The following SPAG9 variants were observed in gnomAD, a reference collection of about 807,000 sequenced individuals.
SPAG9 encodes C-Jun-amino-terminal kinase-interacting protein 4.
In SPAG9, 35 loss-of-function variants were observed where a neutral mutation model predicts 166.5. The observed-to-expected ratio is 0.21, with a 90% CI of 0.16 to 0.28. The LOEUF is 0.28. Ranked by LOEUF, SPAG9 falls within the 10% of genes least tolerant of loss-of-function variation. The probability of loss-of-function intolerance (pLI) is 1.00; values close to 1 mark genes in which losing one functional copy is unlikely to be tolerated. For missense variants in SPAG9, 1,235 were observed against 1,603.3 expected (o/e 0.77, Z 3.92); for synonymous variants, 534 against 565.5 (o/e 0.94, Z 0.79).
intron 27 of SPAG9, among the ~76,000 whole-genome samples, chr17:50,976,258 CT>C (rs1974201096): frequency 6.6e-6 from 1 of 151,962 alleles, no homozygotes; most frequent in Non-Finnish European, 1.5e-5. Context: ...AAAACAAATC[CT>C]GTTCCAATAA....
In SPAG9 at chr17:50,990,560, T is replaced by G. The variant is rs1975458275; in HGVS notation, c.2507A>C (p.Asp836Ala). ...SMTSNSSAET[D>A]SLLGGITVVG... ...CACTGTGATGCCTCCTAACAGGCTGTCTGTCTCTGCTGAGCTGTTGCTTGT... is the reference window on the plus strand; with the variant it reads ...CACTGTGATGCCTCCTAACAGGCTGGCTGTCTCTGCTGAGCTGTTGCTTGT... Residue 836 changes from aspartate to alanine, a missense_variant, in exon 20 of 30, where the codon GAC becomes GCC. Asp to Ala is a moderately radical substitution (Grantham distance 126). Coordinates refer to ENST00000262013, the MANE Select transcript of SPAG9 (RefSeq NM_001130528.3). 1.9e-6 allele frequency: 3 copies of G among 1,614,088 alleles called. No homozygotes were observed. Among genetic ancestry groups the G allele is most frequent in the East Asian group, 2.2e-5 (1 of 44,900 alleles).
At chr17:51,008,918 A>G (rs1020988406) in intron 9 of SPAG9, among the ~76,000 whole-genome samples, 5 of 152,176 alleles carry the variant, frequency 3.3e-5, no homozygotes, top group Admixed American at 6.6e-5. Flanking sequence ...GACAGAAGAA[A>G]TAAGAATGTA....
Position 50,966,309 on chromosome 17 carries a change from T to C in SPAG9, c.3929A>G (p.His1310Arg). The C allele has an allele frequency of 1.9e-6, 3 of 1,613,944 alleles. No homozygotes were observed. The highest frequency in any genetic ancestry group is 2.5e-6 in the Non-Finnish European group (3 of 1,179,820). Residue 1310 changes from histidine (H) to arginine (R), a missense_variant, in exon 30 of 30, where the codon CAC (histidine) becomes CGC (arginine). Physicochemically the swap from His to Arg is conservative, Grantham distance 29. Coordinates refer to ENST00000262013, the MANE Select transcript of SPAG9 (RefSeq NM_001130528.3). ...EPSVTKAERS[H>R]LIVWQVMYGN... The stretch of plus-strand genomic sequence containing the variant: ...ATACATCACTTGCCACACTATCAAG[T>C]GACTCCTTTCTGCTTTGGTGACAGA...
intron 1 of SPAG9, among the ~76,000 whole-genome samples, chr17:51,096,688 C>T (rs890928279): frequency 2.0e-5 from 3 of 151,640 alleles, no homozygotes; most frequent in Admixed American, 6.6e-5. Flanking sequence ...TTCATGTCAT[C>T]GATGGAATAC....
intron 6 of SPAG9, chr17:51,030,904 T>C (rs894012740): frequency 6.8e-6 from 1 of 147,690 alleles, no homozygotes; most frequent in African/African-American, 2.5e-5. Flanking sequence ...AAGCCTGACA[T>C]GTAGCAGGCT....
intron 2 of SPAG9, among the ~76,000 whole-genome samples, chr17:51,075,405 A>G (rs2047943096): frequency 6.6e-6 from 1 of 152,070 alleles, no homozygotes; most frequent in Non-Finnish European, 1.5e-5. Context: ...TGAGTGTGAG[A>G]CATTTTAAAG....
At chr17:51,027,243 C>T (rs1329203996) in intron 6 of SPAG9, among the ~76,000 whole-genome samples, 1 of 151,926 alleles carries the variant, frequency 6.6e-6, no homozygotes, top group Non-Finnish European at 1.5e-5. Context: ...ACCAGCCTGG[C>T]CAACATGGTG....
rs1426675943 is a variant in SPAG9, at chr17:51,089,661, T to TATATATAC, written c.304-9958_304-9957insGTATATAT. Among the ~76,000 whole-genome samples the TATATATAC allele has an allele frequency of 4.0e-4, 39 of 97,864 alleles. No individual in the cohort carries two copies. In the East Asian group the frequency reaches 6.7e-3, roughly 17 times the overall value. 64.2% of individuals were successfully genotyped at this position (97,864 alleles called of 152,430 possible). Reference sequence around the variant, plus strand: ...ATATATATATATATATATATATATATATACACATACACACACACACTTTCT... The same window carrying TATATATAC: ...ATATATATATATATATATATATATATATATATACATACACATACACACACACACTTTCT... On this transcript the variant is annotated intron_variant, in intron 1 of 29. Transcript: ENST00000262013.
chr17:51,001,204 T>G (rs1234600798), intron 13 of SPAG9, among the ~76,000 whole-genome samples: 7 of 152,158 alleles, frequency 4.6e-5, no homozygotes, highest in Non-Finnish European at 1.0e-4. Context: ...TCTTTCTAAA[T>G]TAAAGAAACA....
At chr17:51,099,758 CTAAAAAAAAA>C (rs979716714) in intron 1 of SPAG9, among the ~76,000 whole-genome samples, 2 of 49,204 alleles carry the variant, frequency 4.1e-5, no homozygotes, top group African/African-American at 1.9e-4. Flanking sequence ...TCTTCTATTA[CTAAAAAAAAA>C]AAAAAAAAAA....
chr17:50,967,707 C>G (rs1415726233), intron 29 of SPAG9, among the ~76,000 whole-genome samples: 3 of 152,056 alleles, frequency 2.0e-5, no homozygotes, highest in African/African-American at 4.8e-5. Context: ...TCTCTACAGC[C>G]TAAGTTTTAA....
intron 9 of SPAG9, among the ~76,000 whole-genome samples, chr17:51,012,614 C>T (rs1350796054): frequency 3.3e-5 from 5 of 151,766 alleles, no homozygotes; most frequent in South Asian, 2.1e-4. Flanking sequence ...CCATGAGAAA[C>T]GCAATTCATT....
At position 51,120,383 on chromosome 17, in the gene SPAG9, C is replaced by G; in HGVS notation, c.274G>C (p.Glu92Gln). Residue 92 changes from glutamate (E) to glutamine (Q), a missense_variant, in exon 1 of 30, where the codon GAG becomes CAG. Glu to Gln is a conservative substitution (Grantham distance 29, BLOSUM62 2). This residue lies in a region of SPAG9 where 83 missense variants were observed against 149.8 expected (regional missense o/e 0.55). Transcript: ENST00000262013. This position sits in a 1 kb window ranked among gnomAD's most constrained non-coding sequence, Gnocchi z 4.7. The part of the protein sequence containing the change: ...NEQLITQYER[E>Q]KALRKHAEEK... ...TCAGCGTGCTTGCGCAGCGCCTTCT[C>G]CCGCTCGTACTGGGTGATGAGCTGC... 6.2e-7 allele frequency: 1 copy of G among 1,606,308 alleles called. No individual in the cohort carries two copies. The highest frequency in any genetic ancestry group is 1.1e-5 in the South Asian group (1 of 90,140).
chr17:51,120,768 G>C lies in SPAG9; in HGVS notation c.-112C>G. ...GGACGGGTACTAGGGCTGGAGCCCG[G>C]GCCGGGGCTGGGGCTGGGCCCGGCG... On this transcript the variant is annotated 5_prime_UTR_variant, in exon 1 of 30. Coordinates refer to ENST00000262013, the MANE Select transcript of SPAG9 (RefSeq NM_001130528.3). This position sits in a 1 kb window ranked among gnomAD's most constrained non-coding sequence, Gnocchi z 4.7. 1 of 936,292 alleles carries C rather than the reference G, an allele frequency of 1.1e-6. No individual in the cohort carries two copies. 58.0% of individuals were successfully genotyped at this position (936,292 alleles called of 1,614,324 possible). A position where few individuals can be genotyped will look rare whatever the true frequency, so the allele number is the denominator to read the frequency against.
chr17:51,000,141 G>A (rs192923111), intron 13 of SPAG9, among the ~76,000 whole-genome samples: 2 of 152,236 alleles, frequency 1.3e-5, no homozygotes, highest in Admixed American at 1.3e-4. Flanking sequence ...TTGGCATCCT[G>A]AGGGGTCATT....
chr17:51,020,261 TA>T lies in SPAG9; in HGVS notation c.992-4del. 2.5e-6 allele frequency: 4 copies of T among 1,596,720 alleles called. No individual in the cohort carries two copies. The highest frequency in any genetic ancestry group is 2.6e-6 in the Non-Finnish European group (3 of 1,164,554). ...CTTTTCTTCATTTTCAGCAGAGCCT[TA>T]AAAAAGGACATGATGAAATAAACAA... On this transcript the variant is annotated splice_polypyrimidine_tract_variant and splice_region_variant and intron_variant, in intron 7 of 29. Transcript: ENST00000262013.
intron 3 of SPAG9, among the ~76,000 whole-genome samples, chr17:51,049,643 T>C (rs2047127224): frequency 6.6e-6 from 1 of 152,162 alleles, no homozygotes; most frequent in Admixed American, 6.5e-5. Flanking sequence ...TCTCACTCTG[T>C]CGCCCAGGCT....
chr17:50,999,460 T>G, intron 14 of SPAG9: 1 of 1,501,680 alleles, frequency 6.7e-7, no homozygotes, highest in Non-Finnish European at 8.8e-7. Context: ...TTTTTTGTCC[T>G]TGAGAAGAGC....
intron 2 of SPAG9, among the ~76,000 whole-genome samples, chr17:51,060,158 G>C (rs999882593): frequency 6.6e-5 from 10 of 151,942 alleles, no homozygotes; most frequent in African/African-American, 2.4e-4. Context: ...CAAATTCATA[G>C]GTTGAAGCTC....
Sources: gnomAD v4.1 joint callset for allele counts (sites outside exome capture counted in the v4.1 genomes callset) on GRCh38, gnomAD v4.1.1 for gene constraint, gnomAD v4.1.1 regional missense constraint, Gnocchi (gnomAD v3.1) non-coding constraint, MANE v1.5 for transcripts, NCBI Gene and HGNC (gene_info 2026-07-23, HGNC 2026-07-21) for gene names.